Variants in LARGE1 observed in about 807,000 individuals in gnomAD.
LARGE1 encodes xylosyl- and glucuronyltransferase LARGE1.
In LARGE1, 43 loss-of-function variants were observed where a neutral mutation model predicts 87.6. The ratio of observed to expected loss-of-function variants is 0.49; its 90% CI spans 0.38 to 0.63. The LOEUF is 0.63. Ranked by LOEUF, LARGE1 falls within the 30% of genes least tolerant of loss-of-function variation. LARGE1 has a pLI of 0.00. For missense variants in LARGE1, 802 were observed against 1,000.2 expected, an observed-to-expected ratio of 0.80 and a Z score of 2.67; for synonymous variants, 434 against 394.6, an observed-to-expected ratio of 1.10 and a Z score of -1.18.
chr22:33,672,625 A>C (rs1319965106), intron 2 of LARGE1, among the ~76,000 whole-genome samples: 2 of 152,150 alleles, frequency 1.3e-5, no homozygotes, highest in African/African-American at 2.4e-5. Flanking sequence ...CACATTCTCT[A>C]AACTGTTGGA....
At chr22:33,874,330 T>C (rs1569004325) in intron 1 of LARGE1, among the ~76,000 whole-genome samples, 1 of 152,156 alleles carries the variant, frequency 6.6e-6, no homozygotes, top group Non-Finnish European at 1.5e-5. Flanking sequence ...AAGAGGCTAC[T>C]GCAACTGTCC....
chr22:33,072,735 C>T, the LARGE1 span, among the ~76,000 whole-genome samples: 1 of 152,126 alleles, frequency 6.6e-6, no homozygotes, highest in Non-Finnish European at 1.5e-5. Context: ...ATCTCATTCT[C>T]TCATAAAGCC....
At chr22:33,412,510 C>A (rs999359570) in intron 7 of LARGE1, among the ~76,000 whole-genome samples, 1 of 152,080 alleles carries the variant, frequency 6.6e-6, no homozygotes, top group Non-Finnish European at 1.5e-5. Context: ...TCCCGCCATA[C>A]AGACATGGCA....
At chr22:33,661,977 C>T (rs1569352027) in intron 2 of LARGE1, among the ~76,000 whole-genome samples, 1 of 146,138 alleles carries the variant, frequency 6.8e-6, no homozygotes, top group Non-Finnish European at 1.5e-5. Context: ...AAATCTAGAG[C>T]AGGGGTGTCC....
the LARGE1 span, among the ~76,000 whole-genome samples, chr22:33,107,016 T>C: frequency 5.9e-5 from 9 of 152,166 alleles, no homozygotes; most frequent in African/African-American, 2.2e-4. Context: ...AGTTTCCCCA[T>C]ACTTAAGAGA....
chr22:33,700,293 G>A (rs2082367785), intron 2 of LARGE1, among the ~76,000 whole-genome samples: 1 of 152,182 alleles, frequency 6.6e-6, no homozygotes, highest in South Asian at 2.1e-4. Flanking sequence ...GCTGGAGTTT[G>A]AGAATCGATG....
chr22:33,785,141 ACAT>A lies in LARGE1; in HGVS notation c.-82-23586_-82-23584del, dbSNP rs528582309. Reference sequence around the variant, plus strand: ...TGTATATGCATATATGTGTATACATACATATGTGTATATACATATATGTGTATA... The same window carrying A: ...TGTATATGCATATATGTGTATACATAATGTGTATATACATATATGTGTATA... On this transcript the variant is annotated intron_variant, in intron 1 of 14. Coordinates refer to ENST00000397394, the MANE Select transcript of LARGE1 (RefSeq NM_133642.5). Among the ~76,000 whole-genome samples the A allele has an allele frequency of 4.3e-4, 63 of 147,316 alleles. 1 individual carries two copies. The highest frequency in any genetic ancestry group is 1.0e-4 in the Non-Finnish European group (7 of 66,730).
chr22:33,780,975 A>G (rs1341569041), intron 1 of LARGE1, among the ~76,000 whole-genome samples: 2 of 152,218 alleles, frequency 1.3e-5, no homozygotes, highest in African/African-American at 4.8e-5. Context: ...GAACCCAATA[A>G]CTGCGATAGC....
chr22:33,755,402 T>C (rs2084473939), intron 2 of LARGE1, among the ~76,000 whole-genome samples: 1 of 152,174 alleles, frequency 6.6e-6, no homozygotes, highest in Non-Finnish European at 1.5e-5. Context: ...CCGAGCTGGT[T>C]ATGAATTATC....
At position 33,315,646 on chromosome 22, in the gene LARGE1, T is replaced by A. The variant is rs571805825; in HGVS notation, c.1451+439A>T. Among the ~76,000 whole-genome samples, 927 of 152,184 alleles carry A rather than the reference T, an allele frequency of 6.1e-3. 3 individuals are homozygous for A. The highest frequency in any genetic ancestry group is 9.2e-3 in the Non-Finnish European group (628 of 68,020). ...CAGTACTCTTTTTTTTTCTTTTTTT[T>A]AAAGATGGAGCCGTGCTCTGTCACC... On this transcript the variant is annotated intron_variant, in intron 11 of 14. Coordinates refer to ENST00000397394, the MANE Select transcript of LARGE1 (RefSeq NM_133642.5).
the LARGE1 span, chr22:33,137,469 C>A: frequency 6.6e-6 from 1 of 152,072 alleles, no homozygotes; most frequent in African/African-American, 2.4e-5. Context: ...AAATTTGCAC[C>A]CTGACAATGT....
Position 33,286,745 on chromosome 22 carries a change from C to T in LARGE1, c.1731-3397G>A, listed in dbSNP as rs538977521. On this transcript the variant is annotated intron_variant, in intron 12 of 14. Transcript: ENST00000397394. ...ATAAAGACACATACACATATATACA[C>T]GATGGATACAGAGATCTACAAACAT... 3.9e-5 allele frequency among the ~76,000 whole-genome samples: 6 copies of T among 152,246 alleles called. No individual in the cohort carries two copies. The South Asian group carries it at 6.2e-4, about 16-fold the overall frequency.
chr22:33,815,750 A>C (rs1157041786), intron 1 of LARGE1, among the ~76,000 whole-genome samples: 1 of 152,166 alleles, frequency 6.6e-6, no homozygotes, highest in Non-Finnish European at 1.5e-5. Flanking sequence ...TCTGTGAACC[A>C]CACCGGAAGG....
chr22:33,607,229 A>G (rs1017731130), intron 4 of LARGE1, among the ~76,000 whole-genome samples: 94 of 152,222 alleles, frequency 6.2e-4, no homozygotes, highest in African/African-American at 2.2e-3. Context: ...TGGGAGGCCG[A>G]GGTGGGCGGA....
rs545035919 is a variant in LARGE1, at chr22:33,261,492, C to G, written c.1730+42737G>C. 5.3e-5 allele frequency among the ~76,000 whole-genome samples: 8 copies of G among 151,970 alleles called. No homozygotes were observed. In the South Asian group the frequency reaches 1.7e-3, roughly 32 times the overall value. On this transcript the variant is annotated intron_variant, in intron 11 of 11. Transcript: ENST00000608642. Reference sequence around the variant, plus strand: ...TGTGTCCCAAATTCAAATTGTAATTCAAACGTGGCTCTCAGAAGAATAGCA... The same window carrying G: ...TGTGTCCCAAATTCAAATTGTAATTGAAACGTGGCTCTCAGAAGAATAGCA...
At chr22:33,177,941 C>G (rs1373803150) in intron 11 of LARGE1, among the ~76,000 whole-genome samples, 33 of 152,146 alleles carry the variant, frequency 2.2e-4, no homozygotes, top group Admixed American at 2.2e-3. Flanking sequence ...TGTGGCTCTT[C>G]CAGCTTCACT....
intron 12 of LARGE1, among the ~76,000 whole-genome samples, chr22:33,299,090 T>C (rs975879048): frequency 3.3e-5 from 5 of 151,952 alleles, no homozygotes; most frequent in East Asian, 3.9e-4. Flanking sequence ...CGCATGCCTA[T>C]AATCCCAGCT....
chr22:33,564,944 G>T lies in LARGE1; in HGVS notation c.691C>A (p.Leu231Ile). 1 of 1,614,170 alleles carries T rather than the reference G, an allele frequency of 6.2e-7. No homozygotes were observed. The highest frequency in any genetic ancestry group is 8.5e-7 in the Non-Finnish European group (1 of 1,180,004). ...ATGACTCTCTCCAGGTTGGCAGGAA[G>T]AGTCTTGGTCAGGACAAGCTTCATC... ...GLMKLVLTKT[L>I]PANLERVIVL... Residue 231 changes from leucine to isoleucine, a missense_variant, in exon 6 of 15, where the codon CTT (leucine) becomes ATT (isoleucine). By Grantham distance (5) the Leu-to-Ile change is conservative (BLOSUM62 2). Coordinates refer to ENST00000397394, the MANE Select transcript of LARGE1 (RefSeq NM_133642.5).
chr22:33,407,222 C>T (rs1008588773), intron 7 of LARGE1, among the ~76,000 whole-genome samples: 3 of 152,148 alleles, frequency 2.0e-5, no homozygotes, highest in African/African-American at 7.2e-5. Flanking sequence ...TTCACAAGCA[C>T]GATCATCGCA....
Sources: gnomAD v4.1 joint callset for allele counts (sites outside exome capture counted in the v4.1 genomes callset) on GRCh38, gnomAD v4.1.1 for gene constraint, MANE v1.5 for transcripts, NCBI Gene and HGNC (gene_info 2026-07-23, HGNC 2026-07-21) for gene names.